NBAS: variants seen among roughly 807,000 people sequenced by gnomAD.
The protein encoded by NBAS is NAG/BC035112 fusion.
In NBAS, 219 loss-of-function variants were observed where a neutral mutation model predicts 302.5. The observed-to-expected ratio is 0.72, with a 90% CI of 0.65 to 0.81. NBAS has a LOEUF of 0.81. NBAS is among the 30% of genes least tolerant of loss of function. The pLI is 0.00. For synonymous variants in NBAS, 1,118 were observed against 1,021.6 expected, an observed-to-expected ratio of 1.09 and a Z score of -1.80; for missense variants, 2,932 against 2,841.6, an observed-to-expected ratio of 1.03 and a Z score of -0.72.
At chr2:14,996,524 C>T in the NBAS span, among the ~76,000 whole-genome samples, 2 of 152,150 alleles carry the variant, frequency 1.3e-5, no homozygotes, top group Admixed American at 6.5e-5. Flanking sequence ...GCCTTGCCCA[C>T]CTGCCCATGT....
At chr2:14,786,662 T>A in the NBAS span, among the ~76,000 whole-genome samples, 1 of 152,204 alleles carries the variant, frequency 6.6e-6, no homozygotes, top group African/African-American at 2.4e-5. Flanking sequence ...TGAGTTCTAG[T>A]TTGATTGTAC....
At chr2:15,422,057 T>C (rs1425174456) in intron 23 of NBAS, among the ~76,000 whole-genome samples, 2 of 152,176 alleles carry the variant, frequency 1.3e-5, no homozygotes, top group East Asian at 3.9e-4. Flanking sequence ...TAATGACACA[T>C]ATCCACCATT....
At chr2:14,907,414 T>G in the NBAS span, among the ~76,000 whole-genome samples, 1 of 152,248 alleles carries the variant, frequency 6.6e-6, no homozygotes, top group East Asian at 1.9e-4. Context: ...ACACACATTG[T>G]GCAACACCAG....
At chr2:15,224,879 G>C (rs76721334) in intron 47 of NBAS, among the ~76,000 whole-genome samples, 4 of 152,152 alleles carry the variant, frequency 2.6e-5, no homozygotes, top group African/African-American at 9.7e-5. Context: ...CATATGCAGC[G>C]GGTGGGGCAG....
the NBAS span, among the ~76,000 whole-genome samples, chr2:15,050,347 G>T: frequency 1.3e-5 from 2 of 149,232 alleles, no homozygotes; most frequent in East Asian, 3.9e-4. Flanking sequence ...CTCTGCTATG[G>T]GTCCACAGTC....
rs547659808 is a variant in NBAS, at chr2:15,188,539, G to C, written c.6573-1659C>G. ...GGAGACATGAATGATAGGAGGGGAG[G>C]GGGTGAGCAGACTGGGAAATGCTTT... On this transcript the variant is annotated intron_variant, in intron 49 of 51. Coordinates refer to ENST00000281513, the MANE Select transcript of NBAS (RefSeq NM_015909.4). Among the ~76,000 whole-genome samples the C allele has an allele frequency of 2.6e-5, 4 of 152,282 alleles. No individual in the cohort carries two copies. The East Asian group carries it at 5.8e-4, about 22-fold the overall frequency.
rs775701192 is a variant in NBAS at position 15,488,933 on chromosome 2, T to C, written c.1044A>G (p.Pro348=). 2 of 1,613,902 alleles carry C rather than the reference T, an allele frequency of 1.2e-6. No homozygotes were observed. Among genetic ancestry groups the C allele is most frequent in the East Asian group, 2.2e-5 (1 of 44,844 alleles). Residue 348 remains proline, a synonymous_variant, in exon 12 of 52, where the codon CCA becomes CCG. Coordinates refer to ENST00000281513, the MANE Select transcript of NBAS (RefSeq NM_015909.4). The part of the protein sequence containing the change: ...FSGKLSIWAI[P]SLKQQGEWGQ... Reference sequence around the variant, plus strand: ...CCCATTCCCCTTGTTGCTTCAGAGATGGAATCGCCCAGATGCTCAGTTTCC... The same window carrying C: ...CCCATTCCCCTTGTTGCTTCAGAGACGGAATCGCCCAGATGCTCAGTTTCC...
chr2:15,465,070 G>A (rs1679665103), intron 19 of NBAS, among the ~76,000 whole-genome samples: 1 of 152,150 alleles, frequency 6.6e-6, no homozygotes, highest in African/African-American at 2.4e-5. Flanking sequence ...CATCTCATAA[G>A]ACAATGGCTG....
At chr2:14,800,188 T>G in the NBAS span, among the ~76,000 whole-genome samples, 2 of 152,212 alleles carry the variant, frequency 1.3e-5, no homozygotes, top group Admixed American at 6.5e-5. Flanking sequence ...GCCGATAAGG[T>G]TTGGCTGTGT....
rs375150642 is a variant in NBAS at position 15,527,374 on chromosome 2, C to G, written c.746+7169G>C. On this transcript the variant is annotated intron_variant, in intron 9 of 51. Transcript: ENST00000281513. ...CTGTTTGTACTACCATAACAAAATA[C>G]CTGTGACTGAGTAATTTATGAAGAA... Among the ~76,000 whole-genome samples the G allele has an allele frequency of 1.7e-3, 259 of 152,196 alleles. 1 individual carries two copies. The highest frequency in any genetic ancestry group is 0.01 in the Middle Eastern group (3 of 294).
chr2:15,474,048 T>G lies in NBAS; in HGVS notation c.1599+19A>C, dbSNP rs765682506. On this transcript the variant is annotated intron_variant, in intron 15 of 51. Coordinates refer to ENST00000281513, the MANE Select transcript of NBAS (RefSeq NM_015909.4). ...GCTTGATGACTTCAAACTTGGGTAG[T>G]AATATGCTACTCTCTCACCTTCCTC... 1 of 1,614,008 alleles carries G rather than the reference T, an allele frequency of 6.2e-7. No individual in the cohort carries two copies. Among genetic ancestry groups the G allele is most frequent in the African/African-American group, 1.3e-5 (1 of 74,936 alleles).
intron 34 of NBAS, 143 bp from the exon 35 acceptor site, chr2:15,352,224 C>G: frequency 1.6e-6 from 1 of 641,444 alleles, no homozygotes; most frequent in East Asian, 2.8e-5. Context: ...AGGCTTACTT[C>G]AGGACTTCAC....
the NBAS span, among the ~76,000 whole-genome samples, chr2:14,973,805 T>C: frequency 6.6e-6 from 1 of 152,212 alleles, no homozygotes; most frequent in Non-Finnish European, 1.5e-5. Flanking sequence ...GAGATTATTG[T>C]CATTATTATA....
chr2:15,558,555 C>T (rs190575038), intron 2 of NBAS, 25 bp downstream of exon 2: 1 of 1,598,088 alleles, frequency 6.3e-7, no homozygotes, highest in Non-Finnish European at 8.6e-7. Flanking sequence ...CATATCATTA[C>T]TGTAGAGAAA....
intron 40 of NBAS, among the ~76,000 whole-genome samples, chr2:15,306,666 A>G (rs1191198734): frequency 6.6e-6 from 1 of 152,220 alleles, no homozygotes; most frequent in Admixed American, 6.5e-5. Flanking sequence ...GAAGAACTAT[A>G]AGAACATAGA....
intron 38 of NBAS, among the ~76,000 whole-genome samples, chr2:15,309,963 T>C (rs1203230677): frequency 6.6e-6 from 1 of 152,210 alleles, no homozygotes; most frequent in Non-Finnish European, 1.5e-5. Context: ...AAATACTAAG[T>C]AGTCATATGT....
the NBAS span, among the ~76,000 whole-genome samples, chr2:15,085,066 G>A: frequency 1.1e-3 from 173 of 152,280 alleles, 1 homozygote; most frequent in South Asian, 0.016. Flanking sequence ...CTGCTGTGAC[G>A]GGCCGGGCCA....
intron 44 of NBAS, among the ~76,000 whole-genome samples, chr2:15,244,161 G>A (rs536898475): frequency 6.6e-5 from 10 of 152,114 alleles, no homozygotes; most frequent in Non-Finnish European, 1.2e-4. Context: ...ATGTGGCTAC[G>A]GGCACATGAC....
At chr2:14,822,761 T>C in the NBAS span, among the ~76,000 whole-genome samples, 1 of 152,212 alleles carries the variant, frequency 6.6e-6, no homozygotes, top group Admixed American at 6.5e-5. Flanking sequence ...CTGTTATGAA[T>C]GTAAGATTGT....
Sources: gnomAD v4.1 joint callset for allele counts (sites outside exome capture counted in the v4.1 genomes callset) on GRCh38, gnomAD v4.1.1 for gene constraint, MANE v1.5 for transcripts, NCBI Gene and HGNC (gene_info 2026-07-23, HGNC 2026-07-21) for gene names.